Variants in MRPL1 observed in about 807,000 individuals in gnomAD.
MRPL1 encodes mitochondrial ribosomal protein L1.
MRPL1 carries 28 observed loss-of-function variants against 38.0 expected under a neutral mutation model. That is an observed-to-expected ratio of 0.74 (90% CI 0.55 to 1.01). The LOEUF is 1.01. Ranked by LOEUF, MRPL1 falls within the 50% of genes least tolerant of loss-of-function variation. MRPL1 has a pLI of 0.00. For missense variants in MRPL1, 358 were observed against 389.8 expected (o/e 0.92, Z 0.69); for synonymous variants, 123 against 126.7 (o/e 0.97, Z 0.20).
Position 77,883,395 on chromosome 4 carries a change from G to A in MRPL1, c.297G>A (p.Val99=), listed in dbSNP as rs1313270077. The A allele has an allele frequency of 9.3e-6, 15 of 1,613,846 alleles. No homozygotes were observed. Among genetic ancestry groups the A allele is most frequent in the Non-Finnish European group, 1.3e-5 (15 of 1,179,892 alleles). ...KRLYPRQIYE[V]EKAVHLLKKF... ...TATACCCGAGACAGATATATGAGGTGGAGAAAGCTGTTCACTTACTTAAGA... is the reference window on the plus strand; with the variant it reads ...TATACCCGAGACAGATATATGAGGTAGAGAAAGCTGTTCACTTACTTAAGA... The change falls in exon 3 of 9, where the codon GTG becomes GTA. Residue 99 remains valine (V), a synonymous_variant. Coordinates refer to ENST00000315567, the MANE Select transcript of MRPL1 (RefSeq NM_020236.4).
At chr4:77,870,862 A>C (rs1285548874) in intron 1 of MRPL1, among the ~76,000 whole-genome samples, 1 of 152,218 alleles carries the variant, frequency 6.6e-6, no homozygotes, top group Non-Finnish European at 1.5e-5. Context: ...TAAGCTTAAA[A>C]AAATAGAACA....
chr4:77,942,037 C>G (rs917675080), intron 7 of MRPL1, among the ~76,000 whole-genome samples: 1 of 152,022 alleles, frequency 6.6e-6, no homozygotes, highest in South Asian at 2.1e-4. Flanking sequence ...CTTAGTACTC[C>G]GTTTACTGAA....
At chr4:77,885,461 G>A (rs1486406805) in intron 4 of MRPL1, 122 bp downstream of exon 4, 4 of 648,602 alleles carry the variant, frequency 6.2e-6, no homozygotes, top group East Asian at 3.0e-5. Flanking sequence ...CCGCCTCCCA[G>A]GTTCAAGCGA....
At chr4:77,882,546 G>T (rs1735569778) in intron 2 of MRPL1, among the ~76,000 whole-genome samples, 1 of 152,106 alleles carries the variant, frequency 6.6e-6, no homozygotes, top group African/African-American at 2.4e-5. Flanking sequence ...TCTTAGGTTT[G>T]CTCATTCTTG....
chr4:77,894,964 G>A (rs1735881200), intron 6 of MRPL1, among the ~76,000 whole-genome samples: 1 of 152,122 alleles, frequency 6.6e-6, no homozygotes, highest in South Asian at 2.1e-4. Context: ...TCATAGGCCA[G>A]GTACAAGAAA....
chr4:77,892,162 G>A (rs1454556383), intron 5 of MRPL1, among the ~76,000 whole-genome samples: 1 of 147,932 alleles, frequency 6.8e-6, no homozygotes, highest in Non-Finnish European at 1.5e-5. Flanking sequence ...ATGGAGTTTC[G>A]CTCTTGTTGC....
At chr4:77,941,581 T>C (rs1481279510) in intron 7 of MRPL1, among the ~76,000 whole-genome samples, 1 of 152,128 alleles carries the variant, frequency 6.6e-6, no homozygotes, top group Non-Finnish European at 1.5e-5. Flanking sequence ...TCAGAGTTTC[T>C]ATTTCTTCCT....
intron 2 of MRPL1, among the ~76,000 whole-genome samples, chr4:77,882,501 T>C (rs1735568599): frequency 1.3e-5 from 2 of 152,178 alleles, no homozygotes; most frequent in African/African-American, 4.8e-5. Context: ...CCTCCTCTTC[T>C]AGCACTAGAC....
intron 4 of MRPL1, among the ~76,000 whole-genome samples, chr4:77,886,921 A>G (rs1290402044): frequency 6.7e-6 from 1 of 148,440 alleles, no homozygotes; most frequent in African/African-American, 2.5e-5. Context: ...CCTCCTGAGT[A>G]GCTGGGACTT....
rs1446110876 is a variant in MRPL1 at position 77,901,429 on chromosome 4, G to A, written c.670+7179G>A. On this transcript the variant is annotated intron_variant, in intron 6 of 8. Transcript: ENST00000315567. ...GCCATATAAATAGTTATGATAATTG[G>A]AAATGGACCACACACTCCAAGAAGC... 4.6e-4 allele frequency among the ~76,000 whole-genome samples: 69 copies of A among 150,888 alleles called. 1 individual carries two copies. Among genetic ancestry groups the A allele is most frequent in the Non-Finnish European group, 7.4e-5 (5 of 67,780 alleles).
At position 77,952,613 on chromosome 4, in the gene MRPL1, G is replaced by C. The variant is rs780011748; in HGVS notation, c.*6G>C. The C allele has an allele frequency of 1.1e-4, 162 of 1,537,422 alleles. 1 individual carries two copies. In the Middle Eastern group the frequency reaches 4.9e-3, roughly 47 times the overall value. On this transcript the variant is annotated 3_prime_UTR_variant, in exon 9 of 9. Coordinates refer to ENST00000315567, the MANE Select transcript of MRPL1 (RefSeq NM_020236.4). ...GTGAAAAAGAAGATGCCTAAATGTG[G>C]TGAATTGTGAAATTACTTTCAGTGG...
At chr4:77,903,985 C>T (rs752002194) in intron 6 of MRPL1, among the ~76,000 whole-genome samples, 1 of 152,038 alleles carries the variant, frequency 6.6e-6, no homozygotes, top group Non-Finnish European at 1.5e-5. Context: ...CACACTCACA[C>T]CTGTAATACC....
intron 7 of MRPL1, among the ~76,000 whole-genome samples, chr4:77,920,194 G>A (rs1181748625): frequency 6.6e-6 from 1 of 152,078 alleles, no homozygotes; most frequent in African/African-American, 2.4e-5. Context: ...TGTAAAACAT[G>A]TTTGGTCTTC....
chr4:77,939,008 C>T (rs1737056739), intron 7 of MRPL1, among the ~76,000 whole-genome samples: 2 of 152,054 alleles, frequency 1.3e-5, no homozygotes, highest in Non-Finnish European at 2.9e-5. Context: ...GATTTTGGTA[C>T]ACTCATCACC....
At chr4:77,913,035 A>G (rs1736324740) in intron 7 of MRPL1, among the ~76,000 whole-genome samples, 1 of 152,170 alleles carries the variant, frequency 6.6e-6, no homozygotes, top group East Asian at 1.9e-4. Context: ...GACATATATA[A>G]TAATTAAGTA....
intron 1 of MRPL1, chr4:77,864,404 T>A (rs949107124): frequency 5.3e-5 from 8 of 152,176 alleles, no homozygotes; most frequent in Admixed American, 5.2e-4. Context: ...CTCTTCTGTA[T>A]CTAAATTCAC....
At chr4:77,934,355 GA>G (rs1183353842) in intron 7 of MRPL1, among the ~76,000 whole-genome samples, 1 of 151,994 alleles carries the variant, frequency 6.6e-6, no homozygotes, top group Non-Finnish European at 1.5e-5. Flanking sequence ...TTCAATAATA[GA>G]AAGATAAATA....
intron 7 of MRPL1, among the ~76,000 whole-genome samples, chr4:77,943,412 T>C (rs1372015920): frequency 6.6e-6 from 1 of 152,158 alleles, no homozygotes. Flanking sequence ...GCTATGTATT[T>C]AGATCTCTAG....
intron 7 of MRPL1, among the ~76,000 whole-genome samples, chr4:77,921,302 C>A (rs1736570362): frequency 6.6e-6 from 1 of 152,066 alleles, no homozygotes; most frequent in Non-Finnish European, 1.5e-5. Flanking sequence ...AGATCACTTT[C>A]TAGTTAGGGT....
Sources: allele counts gnomAD v4.1 joint callset (sites outside exome capture counted in the v4.1 genomes callset), GRCh38; gene constraint gnomAD v4.1.1; transcripts MANE v1.5; gene names NCBI Gene and HGNC (gene_info 2026-07-23, HGNC 2026-07-21).